Variants in CNMD observed in about 807,000 individuals in gnomAD.
CNMD encodes leukocyte cell-derived chemotaxin 1.
Under a neutral mutation model 37.5 loss-of-function variants are expected in CNMD, and 30 were observed. The ratio of observed to expected loss-of-function variants is 0.80; its 90% CI spans 0.60 to 1.09. The LOEUF is 1.09. Ranked by LOEUF, CNMD falls within the 50% of genes least tolerant of loss-of-function variation. The probability of loss-of-function intolerance (pLI) is 0.00; values close to 1 mark genes in which losing one functional copy is unlikely to be tolerated. For missense variants in CNMD, 398 were observed against 423.9 expected (o/e 0.94, Z 0.54); for synonymous variants, 167 against 148.2 (o/e 1.13, Z -0.92).
At chr13:52,736,868 G>A (rs71437882) in intron 2 of CNMD, among the ~76,000 whole-genome samples, 6,922 of 152,160 alleles carry the variant, frequency 0.045, 206 homozygotes, top group Non-Finnish European at 0.074. Context: ...TCTCATATTG[G>A]TGGAAATTTC....
intron 4 of CNMD, among the ~76,000 whole-genome samples, chr13:52,721,289 C>A (rs1397545666): frequency 1.3e-5 from 2 of 152,166 alleles, no homozygotes; most frequent in Non-Finnish European, 2.9e-5. Flanking sequence ...GGCTTCAGCC[C>A]CCTTTCCAGG....
chr13:52,736,420 C>T (rs367592284), intron 2 of CNMD, among the ~76,000 whole-genome samples: 32 of 152,286 alleles, frequency 2.1e-4, no homozygotes, highest in Admixed American at 6.5e-4. Flanking sequence ...TGAGCCACCA[C>T]GCCTGGCCTG....
rs150257639 is a variant in CNMD at position 52,729,561 on chromosome 13, A to T, written c.354+3658T>A. ...CTGCATTTTGGGCTGTGGCATTGAC[A>T]GTCATTCAGCTACTACTATAAGTGT... On this transcript the variant is annotated intron_variant, in intron 3 of 6. Coordinates refer to ENST00000377962, the MANE Select transcript of CNMD (RefSeq NM_007015.3). Among the ~76,000 whole-genome samples, 510 of 152,346 alleles carry T rather than the reference A, an allele frequency of 3.3e-3. 3 individuals are homozygous for T. The highest frequency in any genetic ancestry group is 0.011 in the African/African-American group (461 of 41,588).
At chr13:52,731,567 A>G (rs574102258) in intron 3 of CNMD, among the ~76,000 whole-genome samples, 1 of 152,346 alleles carries the variant, frequency 6.6e-6, no homozygotes, top group South Asian at 2.1e-4. Flanking sequence ...TAAAATATCT[A>G]TGGCCCTGTT....
Position 52,733,374 on chromosome 13 carries a change from A to G in CNMD, c.214-15T>C, listed in dbSNP as rs771430751. 1.6e-5 allele frequency: 26 copies of G among 1,613,280 alleles called. No individual in the cohort carries two copies. Among genetic ancestry groups the G allele is most frequent in the Non-Finnish European group, 2.1e-5 (25 of 1,179,330 alleles). On this transcript the variant is annotated splice_polypyrimidine_tract_variant and intron_variant, in intron 2 of 6. Transcript: ENST00000377962. ...ACATTGTAAATCTGAAAGTGAGCATAAGAGTTAGTGATGCTTTCTTTTTTG... is the reference window on the plus strand; with the variant it reads ...ACATTGTAAATCTGAAAGTGAGCATGAGAGTTAGTGATGCTTTCTTTTTTG...
At chr13:52,733,656 C>T (rs1321854320) in intron 2 of CNMD, 4 of 436,650 alleles carry the variant, frequency 9.2e-6, no homozygotes, top group African/African-American at 8.0e-5. Flanking sequence ...TCTCTGGGTA[C>T]CATGCCTGGG....
At chr13:52,720,098 T>A (rs753611626) in intron 4 of CNMD, among the ~76,000 whole-genome samples, 3 of 152,216 alleles carry the variant, frequency 2.0e-5, no homozygotes, top group Non-Finnish European at 4.4e-5. Context: ...TTGGATATCC[T>A]TTCTTCCTTC....
At chr13:52,732,491 A>G (rs1964689523) in intron 3 of CNMD, among the ~76,000 whole-genome samples, 1 of 152,222 alleles carries the variant, frequency 6.6e-6, no homozygotes, top group Admixed American at 6.5e-5. Context: ...CTCCTTTTCA[A>G]AGGAGATGTG....
intron 2 of CNMD, among the ~76,000 whole-genome samples, chr13:52,736,042 G>A (rs1322928256): frequency 6.6e-6 from 1 of 151,098 alleles, no homozygotes; most frequent in Non-Finnish European, 1.5e-5. Context: ...CGCCCAGGCT[G>A]GAGTGCAGTG....
intron 5 of CNMD, among the ~76,000 whole-genome samples, chr13:52,712,040 A>G (rs762890671): frequency 2.0e-5 from 3 of 152,186 alleles, no homozygotes; most frequent in Non-Finnish European, 4.4e-5. Context: ...CAGAGCTACA[A>G]AATAGGCCTT....
intron 4 of CNMD, among the ~76,000 whole-genome samples, chr13:52,722,100 C>T (rs2138249833): frequency 6.6e-6 from 1 of 152,070 alleles, no homozygotes; most frequent in Non-Finnish European, 1.5e-5. Context: ...GAGAAGACGA[C>T]CTTTGATTCT....
At chr13:52,728,984 GCAAA>G (rs1964620430) in intron 3 of CNMD, among the ~76,000 whole-genome samples, 1 of 152,170 alleles carries the variant, frequency 6.6e-6, no homozygotes, top group Non-Finnish European at 1.5e-5. Context: ...TCCTGTTTTT[GCAAA>G]CAAACAGGCT....
At chr13:52,713,212 C>G (rs950069614) in intron 4 of CNMD, among the ~76,000 whole-genome samples, 2 of 152,026 alleles carry the variant, frequency 1.3e-5, no homozygotes, top group Non-Finnish European at 2.9e-5. Flanking sequence ...TTGAACGAAC[C>G]CTGGAATCCT....
chr13:52,708,078 AC>A (rs1227513773), intron 6 of CNMD, among the ~76,000 whole-genome samples: 1 of 152,198 alleles, frequency 6.6e-6, no homozygotes, highest in Non-Finnish European at 1.5e-5. Context: ...CAACAAAAAA[AC>A]AACTTTGCAA....
At position 52,739,213 on chromosome 13, in the gene CNMD, C is replaced by T; in HGVS notation, c.73-42G>A. On this transcript the variant is annotated intron_variant, in intron 1 of 6. Transcript: ENST00000377962. This position sits in a 1 kb window ranked among gnomAD's most constrained non-coding sequence, Gnocchi z 5.4. Reference sequence around the variant, plus strand: ...GAGAGGGACCGTCGCGTTTGTGCCGCCAGCACCTGCGGCCCCCAGCGCACC... The same window carrying T: ...GAGAGGGACCGTCGCGTTTGTGCCGTCAGCACCTGCGGCCCCCAGCGCACC... 1 of 1,438,296 alleles carries T rather than the reference C, an allele frequency of 7.0e-7. No homozygotes were observed. The highest frequency in any genetic ancestry group is 1.5e-5 in the South Asian group (1 of 65,056). The allele number at this position is 1,438,296 out of a possible 1,614,324, so 89.1% of individuals were successfully genotyped here.
At chr13:52,710,668 G>A (rs569306881) in intron 5 of CNMD, among the ~76,000 whole-genome samples, 1 of 152,302 alleles carries the variant, frequency 6.6e-6, no homozygotes, top group Admixed American at 6.5e-5. Flanking sequence ...ATGAGAGATG[G>A]GGGAATCCAT....
In CNMD at chr13:52,703,728, G is replaced by T. The variant is rs745325928; in HGVS notation, c.872C>A (p.Thr291Asn). The change falls in exon 7 of 7, where the codon ACC (threonine) becomes AAC (asparagine). Residue 291 changes from threonine to asparagine, a missense_variant. By Grantham distance (65) the Thr-to-Asn change is moderately conservative (BLOSUM62 0). Coordinates refer to ENST00000377962, the MANE Select transcript of CNMD (RefSeq NM_007015.3). Reference sequence around the variant, plus strand: ...GGGTTCACAGATCTTCTGGCAGTGGGTGTAGCTCCGCCTACATTCTATACA... The same window carrying T: ...GGGTTCACAGATCTTCTGGCAGTGGTTGTAGCTCCGCCTACATTCTATACA... The part of the protein sequence containing the change: ...ICCIECRRSY[T>N]HCQKICEPLG... 11 of 1,613,986 alleles carry T rather than the reference G, an allele frequency of 6.8e-6. No individual in the cohort carries two copies. The African/African-American group carries it at 1.2e-4, about 18-fold the overall frequency.
intron 2 of CNMD, 130 bp downstream of exon 2, chr13:52,738,901 A>C: frequency 1.3e-6 from 1 of 754,806 alleles, no homozygotes; most frequent in African/African-American, 1.9e-5. Context: ...GTGGGATGGG[A>C]GAGGGGAGCT....
intron 5 of CNMD, among the ~76,000 whole-genome samples, chr13:52,710,805 G>C (rs558251371): frequency 6.6e-6 from 1 of 152,254 alleles, no homozygotes; most frequent in East Asian, 1.9e-4. Flanking sequence ...TGGATGTTGT[G>C]GTGATTGAAT....
Sources: allele counts gnomAD v4.1 joint callset (sites outside exome capture counted in the v4.1 genomes callset), GRCh38; gene constraint gnomAD v4.1.1; non-coding constraint Gnocchi (gnomAD v3.1); transcripts MANE v1.5; gene names NCBI Gene and HGNC (gene_info 2026-07-23, HGNC 2026-07-21).